The following GSC variants were observed in gnomAD, a reference collection of about 807,000 sequenced individuals.
The protein encoded by GSC is goosecoid homeobox.
Under a neutral mutation model 24.5 loss-of-function variants are expected in GSC, and 13 were observed. That is an observed-to-expected ratio of 0.53 (90% CI 0.35 to 0.84). The LOEUF is 0.84. GSC is among the 40% of genes least tolerant of loss of function. GSC has a pLI of 0.01. For missense variants in GSC, 382 were observed against 384.2 expected (o/e 0.99, Z 0.05); for synonymous variants, 199 against 182.1 (o/e 1.09, Z -0.75).
In GSC at chr14:94,769,716, G is replaced by A. The variant is rs1885244892; in HGVS notation, c.300C>T (p.Cys100=). The change falls in exon 1 of 3, where the codon TGC becomes TGT. Residue 100 remains cysteine, a synonymous_variant. Transcript: ENST00000238558. ...VQAAPVGPAC[C]GAVPPLGAQQ... is the part of the protein sequence containing the mutation. ...GGGCGCCCAGCGGCGGCACGGCCCCGCAGCAGGCCGGGCCCACGGGCGCCG... is the reference window on the plus strand; with the variant it reads ...GGGCGCCCAGCGGCGGCACGGCCCCACAGCAGGCCGGGCCCACGGGCGCCG... 2.1e-6 allele frequency: 3 copies of A among 1,450,160 alleles called. No individual in the cohort carries two copies. Among genetic ancestry groups the A allele is most frequent in the Non-Finnish European group, 2.7e-6 (3 of 1,110,524 alleles). 89.8% of individuals were successfully genotyped at this position (1,450,160 alleles called of 1,614,324 possible).
Position 94,768,968 on chromosome 14 carries a change from T to TCCTCGCGGAGGTGCACTTTCC in GSC, c.584_604dup (p.Glu201_Glu202insGlyLysValHisLeuArgGlu). 6.3e-7 allele frequency: 1 copy of TCCTCGCGGAGGTGCACTTTCC among 1,586,558 alleles called. No homozygotes were observed. The highest frequency in any genetic ancestry group is 1.8e-5 in the Admixed American group (1 of 56,294). ...GGCCCCGGCGCCTACCTCCACTTTC[T>TCCTCGCGGAGGTGCACTTTCC]CCTCGCGGAGGTGCACTTTCCGGGC... On this transcript the variant is annotated inframe_insertion, in exon 2 of 3. Coordinates refer to ENST00000238558, the MANE Select transcript of GSC (RefSeq NM_173849.3).
rs1248965605 is a variant in GSC, at chr14:94,768,900, G to C, written c.615+58C>G. The C allele has an allele frequency of 2.6e-6, 4 of 1,547,002 alleles. No homozygotes were observed. In the East Asian group the frequency reaches 7.3e-5, roughly 28 times the overall value. On this transcript the variant is annotated intron_variant, in intron 2 of 2. Transcript: ENST00000238558. ...CAAGCAGGGCTGGGCAAACCCGACT[G>C]GGGCCCCACCTCGCGGGGAAGGACC...
chr14:94,768,800 C>T, intron 2 of GSC, 151 bp from the exon 3 acceptor site: 1 of 1,409,746 alleles, frequency 7.1e-7, no homozygotes, highest in Non-Finnish European at 9.7e-7. Flanking sequence ...CGTTTTCATT[C>T]AACTTCCTGG....
At chr14:94,769,627 T>G in intron 1 of GSC, 34 bp downstream of exon 1, 1 of 1,400,574 alleles carries the variant, frequency 7.1e-7, no homozygotes, top group Non-Finnish European at 9.2e-7. Flanking sequence ...AGGACCGCAG[T>G]GGGCGGCAGA....
At position 94,769,831 on chromosome 14, in the gene GSC, A is replaced by G; in HGVS notation, c.185T>C (p.Val62Ala). ...SDYGAFYPRP[V>A]APGGAGLPAA... ...CGGGAGGCCCGCGCCGCCGGGGGCC[A>G]CGGGGCGCGGGTAGAAGGCGCCATA... The change falls in exon 1 of 3, where the codon GTG (valine) becomes GCG (alanine). Residue 62 changes from valine to alanine, a missense_variant. Val to Ala is a moderately conservative substitution (Grantham distance 64). Coordinates refer to ENST00000238558, the MANE Select transcript of GSC (RefSeq NM_173849.3). The G allele has an allele frequency of 7.0e-7, 1 of 1,422,256 alleles. No individual in the cohort carries two copies. Among genetic ancestry groups the G allele is most frequent in the Non-Finnish European group, 9.1e-7 (1 of 1,100,654 alleles). 88.1% of individuals were successfully genotyped at this position (1,422,256 alleles called of 1,614,324 possible).
At position 94,769,871 on chromosome 14, in the gene GSC, C is replaced by A. The variant is rs531310446; in HGVS notation, c.145G>T (p.Gly49Cys). 2 of 1,497,074 alleles carry A rather than the reference C, an allele frequency of 1.3e-6. No homozygotes were observed. The highest frequency in any genetic ancestry group is 1.8e-6 in the Non-Finnish European group (2 of 1,131,470). 92.7% of individuals were successfully genotyped at this position (1,497,074 alleles called of 1,614,324 possible). Residue 49 changes from glycine (G) to cysteine (C), a missense_variant, in exon 1 of 3, where the codon GGC (glycine) becomes TGC (cysteine). Coordinates refer to ENST00000238558, the MANE Select transcript of GSC (RefSeq NM_173849.3). ...HGDSLYGASGGASSDYGAFYP... is the reference protein window; with the variant it reads ...HGDSLYGASGCASSDYGAFYP... Reference sequence around the variant, plus strand: ...AAGGCGCCATAGTCCGAGGAGGCGCCGCCGCTGGCGCCGTAGAGCGAGTCC... The same window carrying A: ...AAGGCGCCATAGTCCGAGGAGGCGCAGCCGCTGGCGCCGTAGAGCGAGTCC...
rs1411462492 is a variant in GSC at position 94,770,025 on chromosome 14, C to T, written c.-10G>A. On this transcript the variant is annotated 5_prime_UTR_variant, in exon 1 of 3. Coordinates refer to ENST00000238558, the MANE Select transcript of GSC (RefSeq NM_173849.3). ...ACATGCTGGCGGGCATCCCCGAGCCCCGCGTCGGGACCGGGGGGCGGCGGG... is the reference window on the plus strand; with the variant it reads ...ACATGCTGGCGGGCATCCCCGAGCCTCGCGTCGGGACCGGGGGGCGGCGGG... The T allele has an allele frequency of 7.8e-6, 12 of 1,546,482 alleles. No homozygotes were observed. The highest frequency in any genetic ancestry group is 4.8e-5 in the East Asian group (2 of 41,796).
In GSC at chr14:94,768,967, C is replaced by G. The variant is rs376810813; in HGVS notation, c.606G>C (p.Glu202Asp). The change falls in exon 2 of 3, where the codon GAG becomes GAC. Residue 202 changes from glutamate to aspartate, a missense_variant. Coordinates refer to ENST00000238558, the MANE Select transcript of GSC (RefSeq NM_173849.3). ...QLARKVHLRE[E>D]KVEVWFKNRR... is the part of the protein sequence containing the mutation. Reference sequence around the variant, plus strand: ...AGGCCCCGGCGCCTACCTCCACTTTCTCCTCGCGGAGGTGCACTTTCCGGG... The same window carrying G: ...AGGCCCCGGCGCCTACCTCCACTTTGTCCTCGCGGAGGTGCACTTTCCGGG... 7.3e-5 allele frequency: 116 copies of G among 1,586,150 alleles called. No individual in the cohort carries two copies. The African/African-American group carries it at 1.4e-3, about 20-fold the overall frequency.
intron 2 of GSC, 152 bp from the exon 3 acceptor site, chr14:94,768,801 A>G: frequency 2.1e-6 from 3 of 1,406,532 alleles, no homozygotes; most frequent in Non-Finnish European, 2.9e-6. Flanking sequence ...GTTTTCATTC[A>G]ACTTCCTGGG....
In GSC at chr14:94,768,990, G is replaced by C; in HGVS notation, c.583C>G (p.Arg195Gly). 2.5e-6 allele frequency: 4 copies of C among 1,595,054 alleles called. No homozygotes were observed. In the South Asian group the frequency reaches 4.5e-5, roughly 18 times the overall value. Residue 195 changes from arginine (R) to glycine (G), a missense_variant, in exon 2 of 3, where the codon CGG becomes GGG. By Grantham distance (125) the Arg-to-Gly change is moderately radical (BLOSUM62 -2). Transcript: ENST00000238558. ...TTCTCCTCGCGGAGGTGCACTTTCC[G>C]GGCCAGCTGCTCGCGCGTGCCCACG... ...PDVGTREQLA[R>G]KVHLREEKVE... is the part of the protein sequence containing the mutation.
intron 2 of GSC, 44 bp downstream of exon 2, chr14:94,768,914 C>G: frequency 6.4e-7 from 1 of 1,554,120 alleles, no homozygotes; most frequent in Non-Finnish European, 8.7e-7. Context: ...CCCCACCTCG[C>G]GGGGAAGGAC....
In GSC at chr14:94,768,293, G is replaced by T; in HGVS notation, c.*198C>A. 2 of 643,882 alleles carry T rather than the reference G, an allele frequency of 3.1e-6. No homozygotes were observed. Among genetic ancestry groups the T allele is most frequent in the Non-Finnish European group, 2.8e-6 (1 of 360,964 alleles). 39.9% of individuals were successfully genotyped at this position (643,882 alleles called of 1,614,324 possible). On this transcript the variant is annotated 3_prime_UTR_variant, in exon 3 of 3. Coordinates refer to ENST00000238558, the MANE Select transcript of GSC (RefSeq NM_173849.3). Reference sequence around the variant, plus strand: ...AAATACTACGGTGGGGGCTAGTCGCGGGCGGCCTCGGGCTGCTGGGCTGTG... The same window carrying T: ...AAATACTACGGTGGGGGCTAGTCGCTGGCGGCCTCGGGCTGCTGGGCTGTG...
chr14:94,769,682 A>G lies in GSC; in HGVS notation c.334T>C (p.Ser112Pro). 1 of 1,447,520 alleles carries G rather than the reference A, an allele frequency of 6.9e-7. No individual in the cohort carries two copies. Among genetic ancestry groups the G allele is most frequent in the Non-Finnish European group, 9.0e-7 (1 of 1,110,188 alleles). 89.7% of individuals were successfully genotyped at this position (1,447,520 alleles called of 1,614,324 possible). A position where few individuals can be genotyped will look rare whatever the true frequency, so the allele number is the denominator to read the frequency against. ...AVPPLGAQQC[S>P]CVPTPPGYEG... ...CTACCTGGGGGCGTCGGGACGCAGGAGCACTGCTGGGCGCCCAGCGGCGGC... is the reference window on the plus strand; with the variant it reads ...CTACCTGGGGGCGTCGGGACGCAGGGGCACTGCTGGGCGCCCAGCGGCGGC... Residue 112 changes from serine to proline, a missense_variant, in exon 1 of 3, where the codon TCC (serine) becomes CCC (proline). Coordinates refer to ENST00000238558, the MANE Select transcript of GSC (RefSeq NM_173849.3).
Position 94,769,171 on chromosome 14 carries a change from C to T in GSC, c.402G>A (p.Gln134=), listed in dbSNP as rs1885231901. The T allele has an allele frequency of 5.8e-6, 9 of 1,563,980 alleles. No homozygotes were observed. The highest frequency in any genetic ancestry group is 7.8e-6 in the Non-Finnish European group (9 of 1,154,872). Residue 134 remains glutamine, a synonymous_variant, in exon 2 of 3, where the codon CAG becomes CAA. Transcript: ENST00000238558. ...TGCCCACGTTCATGTAGGGCAGCAT[C>T]TGGTGCGGTACCGGGGACACCAGCA... ...GSVLVSPVPH[Q]MLPYMNVGTL...
In GSC at chr14:94,769,781, C is replaced by T; in HGVS notation, c.235G>A (p.Gly79Ser). The change falls in exon 1 of 3, where the codon GGC becomes AGC. Residue 79 changes from glycine to serine, a missense_variant. Gly to Ser is a moderately conservative substitution (Grantham distance 56, BLOSUM62 0). Coordinates refer to ENST00000238558, the MANE Select transcript of GSC (RefSeq NM_173849.3). Reference sequence around the variant, plus strand: ...TGCCCGTAGAAGTAGTTGTTGTAGCCGAGGCGGGAGCCGCTGACCGCGGCC... The same window carrying T: ...TGCCCGTAGAAGTAGTTGTTGTAGCTGAGGCGGGAGCCGCTGACCGCGGCC... ...LPAAVSGSRL[G>S]YNNYFYGQLH... The T allele has an allele frequency of 1.4e-6, 2 of 1,432,030 alleles. No homozygotes were observed. Among genetic ancestry groups the T allele is most frequent in the Non-Finnish European group, 1.8e-6 (2 of 1,102,580 alleles). The allele number at this position is 1,432,030 out of a possible 1,614,324, so 88.7% of individuals were successfully genotyped here. A position where few individuals can be genotyped will look rare whatever the true frequency, so the allele number is the denominator to read the frequency against.
At position 94,769,002 on chromosome 14, in the gene GSC, C is replaced by G. The variant is rs750487062; in HGVS notation, c.571G>C (p.Glu191Gln). 2 of 1,595,830 alleles carry G rather than the reference C, an allele frequency of 1.3e-6. No homozygotes were observed. The highest frequency in any genetic ancestry group is 2.3e-5 in the East Asian group (1 of 44,006). ...AGGTGCACTTTCCGGGCCAGCTGCT[C>G]GCGCGTGCCCACGTCCGGGTACTTG... ...ETKYPDVGTR[E>Q]QLARKVHLRE... is the part of the protein sequence containing the mutation. Residue 191 changes from glutamate (E) to glutamine (Q), a missense_variant, in exon 2 of 3, where the codon GAG (glutamate) becomes CAG (glutamine). Coordinates refer to ENST00000238558, the MANE Select transcript of GSC (RefSeq NM_173849.3).
At chr14:94,769,500 A>AAAGTTTGCAGCAAG (rs1885239452) in intron 1 of GSC, among the ~76,000 whole-genome samples, 161 bp downstream of exon 1, 1 of 152,196 alleles carries the variant, frequency 6.6e-6, no homozygotes, top group African/African-American at 2.4e-5. Context: ...ACTCTGGCCA[A>AAAGTTTGCAGCAAG]AAGTTTGCAG....
At position 94,768,474 on chromosome 14, in the gene GSC, C is replaced by T. The variant is rs1459565906; in HGVS notation, c.*17G>A. On this transcript the variant is annotated 3_prime_UTR_variant, in exon 3 of 3. Transcript: ENST00000238558. ...CTTCGAGTTAGGTAAGTAATACGGG[C>T]AAGTGTCCCGCGGCCGTCAGCTGTC... is the stretch of plus-strand genomic sequence containing the variant. 2 of 1,614,008 alleles carry T rather than the reference C, an allele frequency of 1.2e-6. No homozygotes were observed. Among genetic ancestry groups the T allele is most frequent in the African/African-American group, 2.7e-5 (2 of 74,920 alleles).
chr14:94,769,674 G>A lies in GSC; in HGVS notation c.342C>T (p.Val114=), dbSNP rs1379487651. The A allele has an allele frequency of 6.2e-6, 9 of 1,445,078 alleles. No individual in the cohort carries two copies. The highest frequency in any genetic ancestry group is 7.2e-6 in the Non-Finnish European group (8 of 1,109,160). 89.5% of individuals were successfully genotyped at this position (1,445,078 alleles called of 1,614,324 possible). Residue 114 remains valine (V), a synonymous_variant, in exon 1 of 3, where the codon GTC becomes GTT. Coordinates refer to ENST00000238558, the MANE Select transcript of GSC (RefSeq NM_173849.3). ...GCGCGACCCTACCTGGGGGCGTCGG[G>A]ACGCAGGAGCACTGCTGGGCGCCCA... ...PPLGAQQCSC[V]PTPPGYEGPG...
Sources: gnomAD v4.1 joint callset for allele counts (sites outside exome capture counted in the v4.1 genomes callset) on GRCh38, gnomAD v4.1.1 for gene constraint, MANE v1.5 for transcripts, NCBI Gene and HGNC (gene_info 2026-07-23, HGNC 2026-07-21) for gene names.